Variants in SSH1 observed in about 807,000 individuals in gnomAD.
SSH1 encodes slingshot protein phosphatase 1, also known as protein phosphatase Slingshot homolog 1.
In SSH1, 43 loss-of-function variants were observed where a neutral mutation model predicts 79.7. That is an observed-to-expected ratio of 0.54 (90% CI 0.42 to 0.70). The LOEUF (loss-of-function observed/expected upper bound fraction) is 0.70, where lower values mean the gene tolerates loss of function less well. SSH1 is among the 30% of genes least tolerant of loss of function. The pLI is 0.00. For missense variants in SSH1, 1,206 were observed against 1,358.8 expected (o/e 0.89, Z 1.77); for synonymous variants, 599 against 538.3 (o/e 1.11, Z -1.56).
At chr12:108,843,771 G>A (rs918283720) in intron 2 of SSH1, among the ~76,000 whole-genome samples, 1 of 152,258 alleles carries the variant, frequency 6.6e-6, no homozygotes, top group African/African-American at 2.4e-5. Flanking sequence ...CTGACCTCAA[G>A]TGATCCGCCC....
intron 5 of SSH1, among the ~76,000 whole-genome samples, chr12:108,816,067 G>A (rs990163439): frequency 6.6e-6 from 1 of 152,148 alleles, no homozygotes; most frequent in African/African-American, 2.4e-5. Flanking sequence ...CCTAGAGCTC[G>A]CCTGACTGCC....
At chr12:108,841,824 GTA>G (rs2038785081) in intron 2 of SSH1, among the ~76,000 whole-genome samples, 2 of 124,102 alleles carry the variant, frequency 1.6e-5, no homozygotes, top group Admixed American at 8.6e-5. Flanking sequence ...CAAAAAAAAA[GTA>G]TATATGTGTG....
At chr12:108,820,023 T>A (rs1211829080) in intron 3 of SSH1, among the ~76,000 whole-genome samples, 1 of 152,104 alleles carries the variant, frequency 6.6e-6, no homozygotes, top group African/African-American at 2.4e-5. Flanking sequence ...AGGGTAGATC[T>A]CATGTTAAGC....
At position 108,785,063 on chromosome 12, in the gene SSH1, G is replaced by C. The variant is rs1014541343; in HGVS notation, c.*2925C>G. On this transcript the variant is annotated 3_prime_UTR_variant, in exon 15 of 15. Transcript: ENST00000326495. ...TCCTTTTCACAGACAGCATGAATTC[G>C]TCTTTGCCCAGGTGTCCCGACACCT... 6.6e-6 allele frequency: 1 copy of C among 152,174 alleles called. No homozygotes were observed. Among genetic ancestry groups the C allele is most frequent in the Non-Finnish European group, 1.5e-5 (1 of 68,044 alleles). The allele number at this position is 152,174 out of a possible 1,614,324, so 9.4% of individuals were successfully genotyped here. A position where few individuals can be genotyped will look rare whatever the true frequency, so the allele number is the denominator to read the frequency against.
At chr12:108,852,476 C>A (rs1028060453) in intron 2 of SSH1, among the ~76,000 whole-genome samples, 162 bp downstream of exon 2, 2 of 152,018 alleles carry the variant, frequency 1.3e-5, no homozygotes, top group African/African-American at 4.8e-5. Flanking sequence ...GTGATCCACC[C>A]GCCTCAGCCT....
At chr12:108,798,929 G>A in intron 13 of SSH1, 71 bp downstream of exon 13, 1 of 1,560,826 alleles carries the variant, frequency 6.4e-7, no homozygotes, top group South Asian at 1.1e-5. Flanking sequence ...TGCCGACAGA[G>A]GCCTGGCTGG....
rs142234468 is a variant in SSH1 at position 108,792,436 on chromosome 12, G to A, written c.1743C>T (p.Ser581=). ...KLEFGSPKGR[S]GSLLQVEETE... ...TCTCCTCCACCTGCAGCAAGGAGCC[G>A]CTCCGACCTTTGGGACTCCCAAACT... The change falls in exon 14 of 15, where the codon AGC becomes AGT. Residue 581 remains serine (S), a synonymous_variant. Transcript: ENST00000326495. 74 of 1,614,026 alleles carry A rather than the reference G, an allele frequency of 4.6e-5. No homozygotes were observed. The Middle Eastern group carries it at 4.9e-4, about 11-fold the overall frequency.
intron 14 of SSH1, chr12:108,791,904 TATATCG>T: frequency 7.7e-7 from 1 of 1,291,686 alleles, no homozygotes; most frequent in South Asian, 3.0e-5. Flanking sequence ...AGAATAGTCA[TATATCG>T]ATAAAGGCTG....
At chr12:108,847,431 G>A (rs550183316) in intron 2 of SSH1, among the ~76,000 whole-genome samples, 18 of 152,308 alleles carry the variant, frequency 1.2e-4, no homozygotes, top group Non-Finnish European at 2.1e-4. Flanking sequence ...TTACTGCAGG[G>A]TCAAAGGTTC....
Position 108,818,230 on chromosome 12 carries a change from C to T in SSH1, c.279+19G>A. 6.2e-7 allele frequency: 1 copy of T among 1,612,256 alleles called. No individual in the cohort carries two copies. Among genetic ancestry groups the T allele is most frequent in the Non-Finnish European group, 8.5e-7 (1 of 1,178,760 alleles). ...ATTAAAAAAAAATTTTTTAACTTGA[C>T]ATTCTCACTGCTTCTTACCAGCTTG... On this transcript the variant is annotated intron_variant, in intron 4 of 14. Coordinates refer to ENST00000326495, the MANE Select transcript of SSH1 (RefSeq NM_018984.4).
At chr12:108,806,523 G>A in intron 8 of SSH1, 129 bp from the exon 9 acceptor site, 2 of 826,022 alleles carry the variant, frequency 2.4e-6, no homozygotes, top group Non-Finnish European at 4.2e-6. Flanking sequence ...TTCTTGGTGT[G>A]CATGTTCTCA....
At position 108,782,317 on chromosome 12, in the gene SSH1, A is replaced by C. The variant is rs1259832137; in HGVS notation, c.*5671T>G. On this transcript the variant is annotated 3_prime_UTR_variant, in exon 15 of 15. Transcript: ENST00000326495. ...CTCTCCCACCAGGGCTGGTGGGAGC[A>C]GGTTAGATGTTCTTTAGTGCACACC... 1 of 151,848 alleles carries C rather than the reference A, an allele frequency of 6.6e-6. No individual in the cohort carries two copies. The highest frequency in any genetic ancestry group is 1.5e-5 in the Non-Finnish European group (1 of 67,954). 9.4% of individuals were successfully genotyped at this position (151,848 alleles called of 1,614,324 possible). A position where few individuals can be genotyped will look rare whatever the true frequency, so the allele number is the denominator to read the frequency against.
intron 1 of SSH1, among the ~76,000 whole-genome samples, chr12:108,855,808 G>A (rs2039132439): frequency 6.6e-6 from 1 of 152,174 alleles, no homozygotes; most frequent in East Asian, 1.9e-4. Flanking sequence ...TCAGCGTGTA[G>A]AGGGGGATTA....
intron 7 of SSH1, among the ~76,000 whole-genome samples, 186 bp from the exon 8 acceptor site, chr12:108,808,013 A>G (rs1047872804): frequency 8.5e-5 from 13 of 152,088 alleles, no homozygotes; most frequent in African/African-American, 3.1e-4. Flanking sequence ...TCTCGGCCCA[A>G]TGCAATCTCC....
intron 2 of SSH1, among the ~76,000 whole-genome samples, chr12:108,839,421 A>G (rs2038722275): frequency 6.6e-6 from 1 of 152,166 alleles, no homozygotes; most frequent in African/African-American, 2.4e-5. Context: ...CCACTGGGGA[A>G]GTGACAAGTG....
chr12:108,817,500 G>A (rs1428962199), intron 4 of SSH1: 6 of 350,570 alleles, frequency 1.7e-5, no homozygotes, highest in African/African-American at 6.4e-5. Flanking sequence ...TCTTGAACCC[G>A]GGAAGCGGAG....
chr12:108,821,089 G>A (rs934920982), intron 3 of SSH1, among the ~76,000 whole-genome samples: 2 of 152,198 alleles, frequency 1.3e-5, no homozygotes, highest in Non-Finnish European at 2.9e-5. Context: ...ATTCAAGAAC[G>A]AAGAATCTGG....
At chr12:108,852,515 C>T in intron 2 of SSH1, 123 bp downstream of exon 2, 8 of 1,208,858 alleles carry the variant, frequency 6.6e-6, no homozygotes, top group Non-Finnish European at 9.8e-6. Flanking sequence ...CAGGCGTGAC[C>T]CACCGCACCC....
At chr12:108,851,730 A>G (rs2039043064) in intron 2 of SSH1, among the ~76,000 whole-genome samples, 1 of 152,224 alleles carries the variant, frequency 6.6e-6, no homozygotes, top group South Asian at 2.1e-4. Flanking sequence ...AAGATTTCTC[A>G]TAAGCACAAT....
Sources: allele counts gnomAD v4.1 joint callset (sites outside exome capture counted in the v4.1 genomes callset), GRCh38; gene constraint gnomAD v4.1.1; transcripts MANE v1.5; gene names NCBI Gene and HGNC (gene_info 2026-07-23, HGNC 2026-07-21).